The following NFATC3 variants were observed in gnomAD, a reference collection of about 807,000 sequenced individuals.
NFATC3 encodes nuclear factor of activated T-cells, cytoplasmic 3.
Under a neutral mutation model 98.6 loss-of-function variants are expected in NFATC3, and 46 were observed. That is an observed-to-expected ratio of 0.47 (90% CI 0.37 to 0.60). The LOEUF (loss-of-function observed/expected upper bound fraction) is 0.60. Among genes scored for constraint, NFATC3 ranks in the 20% least tolerant of loss-of-function variants. The pLI, the probability that NFATC3 is intolerant of heterozygous loss-of-function variation, is 0.00. For synonymous variants in NFATC3, 512 were observed against 472.2 expected, an observed-to-expected ratio of 1.08 and a Z score of -1.09; for missense variants, 1,256 against 1,295.5, an observed-to-expected ratio of 0.97 and a Z score of 0.47.
chr16:68,097,497 A>G (rs1412397336), intron 1 of NFATC3, among the ~76,000 whole-genome samples: 1 of 152,242 alleles, frequency 6.6e-6, no homozygotes, highest in Non-Finnish European at 1.5e-5. Flanking sequence ...GTCTATAGAT[A>G]TTGATGATAG....
chr16:68,194,495 A>C (rs567374665), intron 9 of NFATC3, among the ~76,000 whole-genome samples: 1 of 152,342 alleles, frequency 6.6e-6, no homozygotes, highest in African/African-American at 2.4e-5. Context: ...TGCTACTTTT[A>C]TGCAAAACAG....
chr16:68,123,797 T>C (rs1403459004), intron 2 of NFATC3, among the ~76,000 whole-genome samples: 1 of 151,372 alleles, frequency 6.6e-6, no homozygotes, highest in East Asian at 1.9e-4. Flanking sequence ...CCAGCCTGGG[T>C]GACATGGCAA....
chr16:68,188,347 C>T (rs571392958), intron 8 of NFATC3, among the ~76,000 whole-genome samples: 6 of 152,170 alleles, frequency 3.9e-5, no homozygotes, highest in African/African-American at 1.4e-4. Context: ...CCTCTCCCCC[C>T]GCCAAGAGCG....
chr16:68,182,664 G>A (rs2039998978), intron 7 of NFATC3, among the ~76,000 whole-genome samples: 1 of 151,944 alleles, frequency 6.6e-6, no homozygotes, highest in African/African-American at 2.4e-5. Flanking sequence ...GGGACTACAG[G>A]CGTGCAATAT....
chr16:68,208,221 G>T (rs184078588), intron 9 of NFATC3, among the ~76,000 whole-genome samples: 184 of 151,828 alleles, frequency 1.2e-3, no homozygotes, highest in Middle Eastern at 3.4e-3. Context: ...ATTTTTATTA[G>T]AGATGGGGTT....
intron 1 of NFATC3, among the ~76,000 whole-genome samples, chr16:68,088,363 A>AT (rs2034505355): frequency 1.4e-5 from 2 of 147,100 alleles, no homozygotes; most frequent in South Asian, 2.1e-4. Flanking sequence ...TATAAAATAC[A>AT]TATATATTTA....
intron 3 of NFATC3, among the ~76,000 whole-genome samples, chr16:68,149,095 G>A (rs1292009689): frequency 6.6e-6 from 1 of 152,056 alleles, no homozygotes; most frequent in African/African-American, 2.4e-5. Flanking sequence ...GTCTTACCCT[G>A]AGAGAATCTG....
At chr16:68,154,030 C>T (rs903410392) in intron 3 of NFATC3, among the ~76,000 whole-genome samples, 15 of 152,174 alleles carry the variant, frequency 9.9e-5, no homozygotes, top group Non-Finnish European at 2.2e-4. Context: ...AGCCCTCCCA[C>T]CTCAGCCTTC....
intron 1 of NFATC3, among the ~76,000 whole-genome samples, chr16:68,112,602 A>G (rs376023631): frequency 2.1e-4 from 29 of 137,588 alleles, no homozygotes; most frequent in African/African-American, 7.9e-4. Flanking sequence ...ATAATCCCAT[A>G]GTTCTTGGAG....
intron 9 of NFATC3, chr16:68,214,315 C>G: frequency 1.9e-6 from 3 of 1,609,752 alleles, no homozygotes; most frequent in Non-Finnish European, 2.6e-6. Flanking sequence ...GTGATGTTGT[C>G]TTCTTTGACA....
Position 68,228,819 on chromosome 16 carries a change from G to A in NFATC3, c.*2348G>A, listed in dbSNP as rs2042085465. Reference sequence around the variant, plus strand: ...CTAACTGTGCTAGCTCTTGGGTTGAGGAATGGAATGGGTAGCCTTCTGCTT... The same window carrying A: ...CTAACTGTGCTAGCTCTTGGGTTGAAGAATGGAATGGGTAGCCTTCTGCTT... On this transcript the variant is annotated 3_prime_UTR_variant, in exon 10 of 10. Transcript: ENST00000346183. 1 of 152,374 alleles carries A rather than the reference G, an allele frequency of 6.6e-6. No homozygotes were observed. Among genetic ancestry groups the A allele is most frequent in the African/African-American group, 2.4e-5 (1 of 41,458 alleles). The allele number at this position is 152,374 out of a possible 1,614,324, so 9.4% of individuals were successfully genotyped here.
At chr16:68,087,449 G>C (rs1043064538) in intron 1 of NFATC3, among the ~76,000 whole-genome samples, 2 of 152,112 alleles carry the variant, frequency 1.3e-5, no homozygotes, top group Non-Finnish European at 2.9e-5. Flanking sequence ...TCTGTAACTT[G>C]ATTTATAACT....
At chr16:68,192,864 A>C (rs925687512) in intron 9 of NFATC3, among the ~76,000 whole-genome samples, 2 of 152,098 alleles carry the variant, frequency 1.3e-5, no homozygotes, top group Admixed American at 1.3e-4. Flanking sequence ...CCCTGCCTCA[A>C]ATTTAAAAAA....
chr16:68,103,086 C>G (rs567377368), intron 1 of NFATC3, among the ~76,000 whole-genome samples: 1 of 151,908 alleles, frequency 6.6e-6, no homozygotes, highest in Non-Finnish European at 1.5e-5. Flanking sequence ...TATAAAAACT[C>G]TATATATTCT....
intron 4 of NFATC3, among the ~76,000 whole-genome samples, chr16:68,166,507 A>G (rs892611289): frequency 2.0e-5 from 3 of 152,044 alleles, no homozygotes; most frequent in Admixed American, 1.3e-4. Context: ...ACTTGGCCAC[A>G]CTCCATTTGT....
Position 68,138,343 on chromosome 16 carries a change from A to G in NFATC3, c.1401+11733A>G, listed in dbSNP as rs978731072. Among the ~76,000 whole-genome samples the G allele has an allele frequency of 9.9e-5, 15 of 152,148 alleles. No homozygotes were observed. The East Asian group carries it at 2.9e-3, about 29-fold the overall frequency. ...TGTAAGCCACCGTGCCTGGCCCCTG[A>G]TAAAAATCTTAATGCTTGTTTACTA... On this transcript the variant is annotated intron_variant, in intron 3 of 9. Transcript: ENST00000346183.
intron 5 of NFATC3, among the ~76,000 whole-genome samples, chr16:68,167,292 G>A (rs757032831): frequency 1.3e-5 from 2 of 152,124 alleles, no homozygotes; most frequent in Non-Finnish European, 2.9e-5. Context: ...AATGAGAATG[G>A]GGGGCCTGAT....
intron 3 of NFATC3, among the ~76,000 whole-genome samples, chr16:68,141,823 C>T (rs1297405678): frequency 6.6e-6 from 1 of 151,998 alleles, no homozygotes; most frequent in Non-Finnish European, 1.5e-5. Context: ...AATTAGGCCC[C>T]ATTTATTTAT....
chr16:68,198,875 C>G (rs1019638845), intron 9 of NFATC3, among the ~76,000 whole-genome samples: 10 of 152,084 alleles, frequency 6.6e-5, no homozygotes, highest in Non-Finnish European at 1.3e-4. Context: ...GGTGAAACCC[C>G]GTCTCTACTA....
Sources: gnomAD v4.1 joint callset for allele counts (sites outside exome capture counted in the v4.1 genomes callset) on GRCh38, gnomAD v4.1.1 for gene constraint, MANE v1.5 for transcripts, NCBI Gene and HGNC (gene_info 2026-07-23, HGNC 2026-07-21) for gene names.